MAF: variants seen among roughly 807,000 people sequenced by gnomAD.
MAF encodes the protein transcription factor Maf.
Under a neutral mutation model 22.0 loss-of-function variants are expected in MAF, and 10 were observed. The ratio of observed to expected loss-of-function variants is 0.45; its 90% CI spans 0.28 to 0.77. The LOEUF is 0.77. Ranked by LOEUF, MAF falls within the 30% of genes least tolerant of loss-of-function variation. The pLI is 0.12. For synonymous variants in MAF, 337 were observed against 255.8 expected, an observed-to-expected ratio of 1.32 and a Z score of -3.03; for missense variants, 544 against 548.4, an observed-to-expected ratio of 0.99 and a Z score of 0.08.
the MAF span, among the ~76,000 whole-genome samples, chr16:79,413,636 A>G: frequency 7.9e-5 from 12 of 152,166 alleles, no homozygotes; most frequent in Non-Finnish European, 1.8e-4. Flanking sequence ...TATTATAAGC[A>G]TTAGATAAAA....
the MAF span, among the ~76,000 whole-genome samples, chr16:79,379,183 A>C: frequency 6.6e-6 from 1 of 152,214 alleles, no homozygotes; most frequent in South Asian, 2.1e-4. Flanking sequence ...TACTTGGTAA[A>C]GAGAAACAGC....
the MAF span, among the ~76,000 whole-genome samples, chr16:79,468,296 G>C: frequency 5.3e-5 from 8 of 152,204 alleles, no homozygotes; most frequent in Non-Finnish European, 1.0e-4. Flanking sequence ...GTGATTTACT[G>C]CTGCCCTGGG....
chr16:79,359,799 T>TG, the MAF span, among the ~76,000 whole-genome samples: 68 of 152,266 alleles, frequency 4.5e-4, no homozygotes, highest in African/African-American at 1.6e-3. Context: ...GACACTGGCA[T>TG]TCAGGAGGGA....
At chr16:79,351,963 G>A in the MAF span, among the ~76,000 whole-genome samples, 52 of 152,210 alleles carry the variant, frequency 3.4e-4, no homozygotes, top group East Asian at 8.7e-3. Context: ...TAAGCATGCC[G>A]GGACACCATC....
the MAF span, among the ~76,000 whole-genome samples, chr16:79,452,258 G>C: frequency 2.6e-5 from 4 of 152,292 alleles, no homozygotes; most frequent in South Asian, 8.3e-4. Context: ...TATAAAACAA[G>C]CTATTAACAT....
At chr16:79,410,622 C>A in the MAF span, among the ~76,000 whole-genome samples, 1 of 152,160 alleles carries the variant, frequency 6.6e-6, no homozygotes, top group Non-Finnish European at 1.5e-5. Context: ...TCAACCATGG[C>A]AACCAGTAAC....
the MAF span, among the ~76,000 whole-genome samples, chr16:79,574,201 G>A: frequency 1.3e-5 from 2 of 152,194 alleles, no homozygotes; most frequent in Non-Finnish European, 2.9e-5. Flanking sequence ...TTAATACTAT[G>A]CTTTAGAGGA....
the MAF span, among the ~76,000 whole-genome samples, chr16:79,242,265 A>C: frequency 6.6e-6 from 1 of 151,660 alleles, no homozygotes; most frequent in Non-Finnish European, 1.5e-5. Flanking sequence ...AAGAGTCAAG[A>C]CCCATAGGTG....
the MAF span, among the ~76,000 whole-genome samples, chr16:79,280,191 C>T: frequency 2.0e-5 from 3 of 152,318 alleles, no homozygotes; most frequent in East Asian, 1.9e-4. Flanking sequence ...GCCAGTTGCA[C>T]GTGTTGGTTA....
At chr16:79,383,232 A>G in the MAF span, among the ~76,000 whole-genome samples, 2 of 145,102 alleles carry the variant, frequency 1.4e-5, no homozygotes, top group African/African-American at 4.9e-5. Context: ...GGGTGGGGGC[A>G]GGGTGGGGAT....
the MAF span, among the ~76,000 whole-genome samples, chr16:79,389,317 A>C: frequency 1.8e-4 from 27 of 152,254 alleles, no homozygotes; most frequent in African/African-American, 6.5e-4. Flanking sequence ...GCTGGAGTGC[A>C]GTGGCACAGT....
At chr16:79,587,137 T>C (rs1005301445) in intron 1 of MAF, among the ~76,000 whole-genome samples, 13 of 152,254 alleles carry the variant, frequency 8.5e-5, no homozygotes, top group African/African-American at 2.9e-4. Flanking sequence ...AGCACTCGGA[T>C]AAATCATTTC....
the MAF span, among the ~76,000 whole-genome samples, chr16:79,364,449 G>T: frequency 7.1e-3 from 1,085 of 152,298 alleles, 11 homozygotes; most frequent in South Asian, 0.015. Flanking sequence ...TGGGTGGGTG[G>T]CAGTGTCATC....
chr16:79,205,432 A>C, the MAF span: 4 of 152,186 alleles, frequency 2.6e-5, no homozygotes, highest in Admixed American at 2.0e-4. Context: ...GCAAAAGATC[A>C]ACATCTAAAC....
At chr16:79,386,675 G>C in the MAF span, among the ~76,000 whole-genome samples, 1 of 152,144 alleles carries the variant, frequency 6.6e-6, no homozygotes, top group Non-Finnish European at 1.5e-5. Context: ...TGTAAAGCAT[G>C]ATGATGTAAA....
the MAF span, among the ~76,000 whole-genome samples, chr16:79,547,810 T>A: frequency 6.6e-6 from 1 of 152,130 alleles, no homozygotes; most frequent in Non-Finnish European, 1.5e-5. Flanking sequence ...ATTGATCTTT[T>A]TTCTCCTCTG....
At chr16:79,216,326 G>A in the MAF span, among the ~76,000 whole-genome samples, 1 of 152,240 alleles carries the variant, frequency 6.6e-6, no homozygotes, top group South Asian at 2.1e-4. Flanking sequence ...TGTGGCACAT[G>A]TGCATATGCA....
chr16:79,357,358 G>A, the MAF span, among the ~76,000 whole-genome samples: 1 of 152,226 alleles, frequency 6.6e-6, no homozygotes, highest in African/African-American at 2.4e-5. Flanking sequence ...GCTGAGGCAG[G>A]AGAGTTGCTT....
chr16:79,215,852 T>G, the MAF span, among the ~76,000 whole-genome samples: 1 of 152,194 alleles, frequency 6.6e-6, no homozygotes, highest in Non-Finnish European at 1.5e-5. Context: ...TACTCCACTT[T>G]ATCAGAAGTT....
Sources: gnomAD v4.1 joint callset for allele counts (sites outside exome capture counted in the v4.1 genomes callset) on GRCh38, gnomAD v4.1.1 for gene constraint, MANE v1.5 for transcripts, NCBI Gene and HGNC (gene_info 2026-07-23, HGNC 2026-07-21) for gene names.